The following CRYM variants were observed in gnomAD, a reference collection of about 807,000 sequenced individuals.
The protein encoded by CRYM is crystallin mu.
A neutral mutation model predicts 32.9 loss-of-function variants in CRYM; 18 were observed. The observed-to-expected ratio is 0.55, with a 90% CI of 0.38 to 0.81. The LOEUF is 0.81. CRYM is among the 30% of genes least tolerant of loss of function. The pLI is 0.00. For missense variants in CRYM, 337 were observed against 393.5 expected (o/e 0.86, Z 1.21); for synonymous variants, 153 against 152.4 (o/e 1.00, Z -0.03).
chr16:21,291,932 C>T (rs1358609875), intron 1 of CRYM, among the ~76,000 whole-genome samples: 1 of 151,922 alleles, frequency 6.6e-6, no homozygotes, highest in East Asian at 1.9e-4. Context: ...TTAAATTTAT[C>T]ATTTTTTAGT....
chr16:21,270,402 G>GC (rs893989402), intron 3 of CRYM, among the ~76,000 whole-genome samples: 8 of 151,796 alleles, frequency 5.3e-5, no homozygotes, highest in Admixed American at 3.3e-4. Flanking sequence ...TCCTACCTCA[G>GC]CCCCCCGTGG....
chr16:21,279,903 AAGAG>A (rs958676039), upstream of CRYM, among the ~76,000 whole-genome samples: 3 of 151,672 alleles, frequency 2.0e-5, no homozygotes, highest in East Asian at 1.9e-4. Context: ...CTGAGAGAGA[AAGAG>A]AGAGAGAGAG....
intron 1 of CRYM, among the ~76,000 whole-genome samples, chr16:21,302,385 G>A (rs1449998038): frequency 6.6e-6 from 1 of 152,224 alleles, no homozygotes; most frequent in South Asian, 2.1e-4. Context: ...GGCAGAAGGG[G>A]CTGTGGAAGT....
upstream of CRYM, among the ~76,000 whole-genome samples, chr16:21,279,361 GT>G (rs2093394144): frequency 6.6e-6 from 1 of 152,178 alleles, no homozygotes; most frequent in Admixed American, 6.5e-5. Context: ...TTTGCCCATG[GT>G]TGGACTTCAG....
chr16:21,277,700 C>A lies in CRYM; in HGVS notation c.171-116G>T. The A allele has an allele frequency of 8.9e-7, 1 of 1,121,652 alleles. No homozygotes were observed. Among genetic ancestry groups the A allele is most frequent in the Non-Finnish European group, 1.3e-6 (1 of 769,112 alleles). 69.5% of individuals were successfully genotyped at this position (1,121,652 alleles called of 1,614,324 possible). Reference sequence around the variant, plus strand: ...CCTCACCACCCCACTGGCCCTCTTCCAGCCCCCGCATCCCTCTGCCCTTCC... The same window carrying A: ...CCTCACCACCCCACTGGCCCTCTTCAAGCCCCCGCATCCCTCTGCCCTTCC... On this transcript the variant is annotated intron_variant, in intron 1 of 7. Transcript: ENST00000572914. The surrounding 1 kb of genome is among the most constrained non-coding windows in gnomAD (Gnocchi z 4.2).
chr16:21,277,317 G>A lies in CRYM; in HGVS notation c.324+114C>T. On this transcript the variant is annotated intron_variant, in intron 2 of 7. Transcript: ENST00000572914. The surrounding 1 kb of genome is among the most constrained non-coding windows in gnomAD (Gnocchi z 4.2). ...CACTGTTGCTGGTATCCAGTCACTT[G>A]CAGAGGGGCACGCGTAGTCACAATC... 9.1e-7 allele frequency: 1 copy of A among 1,103,004 alleles called. No homozygotes were observed. The highest frequency in any genetic ancestry group is 1.4e-5 in the South Asian group (1 of 73,934). 68.3% of individuals were successfully genotyped at this position (1,103,004 alleles called of 1,614,324 possible).
chr16:21,276,780 A>G (rs226039), intron 2 of CRYM, among the ~76,000 whole-genome samples: 40,845 of 152,070 alleles, frequency 0.27, 5,932 homozygotes, highest in African/African-American at 0.36. Context: ...CTGAAGTCCA[A>G]CCATGCTAAT....
At chr16:21,268,900 T>C (rs2093369264) in intron 4 of CRYM, among the ~76,000 whole-genome samples, 1 of 152,050 alleles carries the variant, frequency 6.6e-6, no homozygotes, top group Non-Finnish European at 1.5e-5. Flanking sequence ...TCCCAGAACT[T>C]TGGGAGGACA....
chr16:21,269,011 G>A (rs569763731), intron 4 of CRYM, among the ~76,000 whole-genome samples: 6 of 152,186 alleles, frequency 3.9e-5, no homozygotes, highest in Admixed American at 1.3e-4. Flanking sequence ...AGGTGTGGTA[G>A]TGGGCGCCTA....
chr16:21,269,774 C>A lies in CRYM; in HGVS notation c.489+16G>T. The stretch of plus-strand genomic sequence containing the variant: ...CCCCCTTCCCTCTTCTCTCCCACCC[C>A]CACCCCTGGACTTACCTCCTTAAAG... On this transcript the variant is annotated intron_variant, in intron 4 of 7. Transcript: ENST00000572914. 1.5e-6 allele frequency: 2 copies of A among 1,324,220 alleles called. No homozygotes were observed. Among genetic ancestry groups the A allele is most frequent in the East Asian group, 2.4e-5 (1 of 42,034 alleles). 82.0% of individuals were successfully genotyped at this position (1,324,220 alleles called of 1,614,324 possible). A position where few individuals can be genotyped will look rare whatever the true frequency, so the allele number is the denominator to read the frequency against.
intron 1 of CRYM, among the ~76,000 whole-genome samples, chr16:21,290,151 T>C (rs226047): frequency 0.28 from 42,236 of 151,938 alleles, 6,113 homozygotes; most frequent in African/African-American, 0.35. Flanking sequence ...GCAGTGGCAA[T>C]GTCGGATCCC....
intron 1 of CRYM, chr16:21,301,282 T>A (rs1319854717): frequency 6.6e-6 from 1 of 152,200 alleles, no homozygotes; most frequent in Non-Finnish European, 1.5e-5. Context: ...TGTGGGGTCG[T>A]CCAGGAGGGT....
intron 3 of CRYM, among the ~76,000 whole-genome samples, chr16:21,270,861 T>G (rs2093373935): frequency 6.6e-6 from 1 of 152,232 alleles, no homozygotes; most frequent in African/African-American, 2.4e-5. Context: ...TGAGGGTGTC[T>G]GTGTTTGAGA....
intron 3 of CRYM, among the ~76,000 whole-genome samples, chr16:21,274,950 C>A (rs1456794455): frequency 6.6e-6 from 1 of 152,174 alleles, no homozygotes; most frequent in Non-Finnish European, 1.5e-5. Context: ...CCTGTGTGTG[C>A]CCCTCTGTTT....
rs1001425212 is a variant in CRYM at position 21,262,117 on chromosome 16, C to T, written c.715G>A (p.Glu239Lys). The T allele has an allele frequency of 1.2e-6, 2 of 1,614,160 alleles. No individual in the cohort carries two copies. Among genetic ancestry groups the T allele is most frequent in the Non-Finnish European group, 1.7e-6 (2 of 1,180,016 alleles). The change falls in exon 6 of 8, where the codon GAG (glutamate) becomes AAG (lysine). Residue 239 changes from glutamate (E) to lysine (K), a missense_variant. Transcript: ENST00000572914. ...SRPDWRELDDELMKEAVLYVD... is the reference protein window; with the variant it reads ...SRPDWRELDDKLMKEAVLYVD... ...TACAGCACAGCTTCTTTCATGAGCT[C>T]ATCATCCAGTTCTCTCCAGTCAGGT...
intron 5 of CRYM, among the ~76,000 whole-genome samples, chr16:21,266,959 A>T (rs915893236): frequency 6.6e-6 from 1 of 151,326 alleles, no homozygotes; most frequent in South Asian, 2.1e-4. Flanking sequence ...GTGAGCTGAG[A>T]TCTCGCCACT....
chr16:21,292,970 GGATT>G (rs1389391567), intron 1 of CRYM, among the ~76,000 whole-genome samples: 1 of 151,948 alleles, frequency 6.6e-6, no homozygotes, highest in African/African-American at 2.4e-5. Context: ...ATGGATGGAT[GGATT>G]GATGGATGAA....
intron 1 of CRYM, chr16:21,299,778 G>C (rs536915509): frequency 7.2e-5 from 11 of 152,270 alleles, no homozygotes; most frequent in African/African-American, 2.6e-4. Flanking sequence ...TGGGTTAGCA[G>C]GTCATATTGC....
At chr16:21,269,745 A>G in intron 4 of CRYM, 45 bp downstream of exon 4, 2 of 948,514 alleles carry the variant, frequency 2.1e-6, no homozygotes, top group Non-Finnish European at 3.4e-6. Context: ...CAGGTCAAGG[A>G]CCACCCCCTT....
Sources: gnomAD v4.1 joint callset for allele counts (sites outside exome capture counted in the v4.1 genomes callset) on GRCh38, gnomAD v4.1.1 for gene constraint, Gnocchi (gnomAD v3.1) non-coding constraint, MANE v1.5 for transcripts, NCBI Gene and HGNC (gene_info 2026-07-23, HGNC 2026-07-21) for gene names.